The following CREBBP variants were observed in gnomAD, a reference collection of about 807,000 sequenced individuals.
CREBBP encodes the protein CREB-binding protein.
CREBBP carries 19 observed loss-of-function variants against 265.0 expected under a neutral mutation model. The observed-to-expected ratio is 0.07, with a 90% CI of 0.05 to 0.11. The LOEUF (loss-of-function observed/expected upper bound fraction) is 0.11. Ranked by LOEUF, CREBBP falls within the 10% of genes least tolerant of loss-of-function variation. CREBBP has a pLI of 1.00. For missense variants in CREBBP, 2,525 were observed against 3,219.0 expected (o/e 0.78, Z 5.22); for synonymous variants, 1,457 against 1,223.7 (o/e 1.19, Z -3.98).
chr16:3,810,132 G>T (rs919259562), intron 3 of CREBBP, among the ~76,000 whole-genome samples: 2 of 152,092 alleles, frequency 1.3e-5, no homozygotes, highest in African/African-American at 4.8e-5. Flanking sequence ...CAAACCTCAG[G>T]GAGGATGAAG....
intron 2 of CREBBP, among the ~76,000 whole-genome samples, chr16:3,832,591 T>C (rs1005964533): frequency 8.5e-5 from 13 of 152,328 alleles, no homozygotes; most frequent in African/African-American, 3.1e-4. Flanking sequence ...CCTGTACAGC[T>C]TGTTACTGTG....
chr16:3,746,438 C>T (rs938782225), intron 21 of CREBBP, among the ~76,000 whole-genome samples: 4 of 152,182 alleles, frequency 2.6e-5, no homozygotes, highest in Admixed American at 6.5e-5. Context: ...GGCTACCTCT[C>T]CCTTCCACGT....
At chr16:3,821,357 CT>C (rs1432835396) in intron 2 of CREBBP, among the ~76,000 whole-genome samples, 1 of 152,214 alleles carries the variant, frequency 6.6e-6, no homozygotes, top group African/African-American at 2.4e-5. Flanking sequence ...CATGGCAATC[CT>C]CCCTGTGGGG....
chr16:3,811,604 G>T (rs1486419482), intron 2 of CREBBP, among the ~76,000 whole-genome samples: 1 of 152,092 alleles, frequency 6.6e-6, no homozygotes, highest in Non-Finnish European at 1.5e-5. Flanking sequence ...CGATTCTCTT[G>T]CCTCAGCCTC....
chr16:3,879,330 G>A (rs1055561166), intron 1 of CREBBP, among the ~76,000 whole-genome samples: 2 of 152,070 alleles, frequency 1.3e-5, no homozygotes, highest in African/African-American at 4.8e-5. Context: ...AAGAAACTTC[G>A]GTTCTAACTC....
rs533191840 is a variant in CREBBP, at chr16:3,803,397, C to G, written c.975+7206G>C. On this transcript the variant is annotated intron_variant, in intron 3 of 30. Coordinates refer to ENST00000262367, the MANE Select transcript of CREBBP (RefSeq NM_004380.3). ...GCGGGCGCCTGTAATCCCAACTACT[C>G]GGAAGGCTGAGGCAGGAGAATAGCT... 5.0e-4 allele frequency among the ~76,000 whole-genome samples: 75 copies of G among 151,256 alleles called. 1 individual carries two copies. The South Asian group carries it at 0.015, about 30-fold the overall frequency.
chr16:3,738,608 C>T lies in CREBBP; in HGVS notation c.4345G>A (p.Val1449Ile), dbSNP rs945398646. The T allele has an allele frequency of 6.8e-6, 11 of 1,613,786 alleles. No homozygotes were observed. Among genetic ancestry groups the T allele is most frequent in the African/African-American group, 1.3e-5 (1 of 75,028 alleles). Residue 1449 changes from valine (V) to isoleucine (I), a missense_variant, in exon 26 of 31, where the codon GTT (valine) becomes ATT (isoleucine). Coordinates refer to ENST00000262367, the MANE Select transcript of CREBBP (RefSeq NM_004380.3). ...FFRPRCLRTA[V>I]YHEILIGYLE... is the part of the protein sequence containing the mutation. ...TATCCAATAAGGATCTCATGGTAAA[C>T]GGCTGTGCGGAGGCAACGTGGCCGG...
At chr16:3,732,300 T>C (rs2051938403) in intron 28 of CREBBP, among the ~76,000 whole-genome samples, 1 of 152,046 alleles carries the variant, frequency 6.6e-6, no homozygotes, top group African/African-American at 2.4e-5. Flanking sequence ...CTGTCTGCCT[T>C]GAGGAAGGCT....
Position 3,739,477 on chromosome 16 carries a change from C to T in CREBBP, c.4280+101G>A, listed in dbSNP as rs2052148390. On this transcript the variant is annotated intron_variant, in intron 25 of 30. Transcript: ENST00000262367. The stretch of plus-strand genomic sequence containing the variant: ...AATTGTGGTTTCATTTACTTTAATC[C>T]CCTATGAAGGCTCACAGGCTCCTCT... The T allele has an allele frequency of 9.5e-6, 13 of 1,370,274 alleles. No individual in the cohort carries two copies. The South Asian group carries it at 1.6e-4, about 17-fold the overall frequency. The allele number at this position is 1,370,274 out of a possible 1,614,324, so 84.9% of individuals were successfully genotyped here.
chr16:3,767,652 C>T (rs2141180424), intron 16 of CREBBP, 68 bp downstream of exon 16: 3 of 1,594,276 alleles, frequency 1.9e-6, no homozygotes, highest in Non-Finnish European at 2.6e-6. Context: ...GCTTTTAATC[C>T]TCCACATGGA....
intron 1 of CREBBP, among the ~76,000 whole-genome samples, chr16:3,866,522 G>C (rs936737035): frequency 3.9e-5 from 6 of 152,058 alleles, no homozygotes; most frequent in African/African-American, 1.2e-4. Context: ...CCATTTAACA[G>C]ATTCTCTTAA....
intron 2 of CREBBP, among the ~76,000 whole-genome samples, chr16:3,816,659 G>A (rs2054042009): frequency 1.3e-5 from 2 of 152,098 alleles, no homozygotes; most frequent in Non-Finnish European, 2.9e-5. Flanking sequence ...GCAGACATGG[G>A]TACCACGGAA....
At chr16:3,815,626 A>G (rs1479325097) in intron 2 of CREBBP, among the ~76,000 whole-genome samples, 1 of 150,622 alleles carries the variant, frequency 6.6e-6, no homozygotes, top group Non-Finnish European at 1.5e-5. Context: ...CTGCTAGAGA[A>G]CCTCTATATA....
At chr16:3,874,065 A>G (rs1402011327) in intron 1 of CREBBP, among the ~76,000 whole-genome samples, 1 of 152,186 alleles carries the variant, frequency 6.6e-6, no homozygotes, top group East Asian at 1.9e-4. Context: ...AGAGCCTGAG[A>G]TGACAAAGAC....
chr16:3,802,587 A>C (rs1193905788), intron 3 of CREBBP, among the ~76,000 whole-genome samples: 1 of 152,192 alleles, frequency 6.6e-6, no homozygotes, highest in Non-Finnish European at 1.5e-5. Flanking sequence ...AATGTGGATA[A>C]TAACGCTTAT....
rs1333516070 is a variant in CREBBP at position 3,728,917 on chromosome 16, C to T, written c.6130G>A (p.Ala2044Thr). The T allele has an allele frequency of 6.2e-7, 1 of 1,606,242 alleles. No individual in the cohort carries two copies. Among genetic ancestry groups the T allele is most frequent in the Admixed American group, 1.7e-5 (1 of 59,654 alleles). Reference sequence around the variant, plus strand: ...CGGGGCCCAGCCACGGCCGCCTGGGCCTGCATGGATATCACAGGCCTGGGC... The same window carrying T: ...CGGGGCCCAGCCACGGCCGCCTGGGTCTGCATGGATATCACAGGCCTGGGC... Reference protein sequence around the residue: ...GLPRPVISMQAQAAVAGPRMP... With the variant: ...GLPRPVISMQTQAAVAGPRMP... Residue 2044 changes from alanine (A) to threonine (T), a missense_variant, in exon 31 of 31, where the codon GCC becomes ACC. Transcript: ENST00000262367. The surrounding 1 kb of genome is among the most constrained non-coding windows in gnomAD (Gnocchi z 8.7).
At chr16:3,830,038 G>A (rs918457095) in intron 2 of CREBBP, among the ~76,000 whole-genome samples, 1 of 152,134 alleles carries the variant, frequency 6.6e-6, no homozygotes, top group Non-Finnish European at 1.5e-5. Context: ...AAAGACTAAG[G>A]TTATCAGAAT....
chr16:3,847,854 A>AT (rs2054700240), intron 2 of CREBBP, among the ~76,000 whole-genome samples: 1 of 152,202 alleles, frequency 6.6e-6, no homozygotes, highest in Non-Finnish European at 1.5e-5. Flanking sequence ...TGAAATGTAG[A>AT]TTTTGAGTAA....
At chr16:3,740,592 C>T (rs1250318664) in intron 23 of CREBBP, 43 bp from the exon 24 acceptor site, 1 of 1,612,062 alleles carries the variant, frequency 6.2e-7, no homozygotes, top group Non-Finnish European at 8.5e-7. Flanking sequence ...TTCAACAGCA[C>T]TGCTGAGACA....
Sources: gnomAD v4.1 joint callset for allele counts (sites outside exome capture counted in the v4.1 genomes callset) on GRCh38, gnomAD v4.1.1 for gene constraint, Gnocchi (gnomAD v3.1) non-coding constraint, MANE v1.5 for transcripts, NCBI Gene and HGNC (gene_info 2026-07-23, HGNC 2026-07-21) for gene names.